The following BDH1 variants were observed in gnomAD, a reference collection of about 807,000 sequenced individuals.
BDH1 encodes D-beta-hydroxybutyrate dehydrogenase, mitochondrial.
BDH1 carries 30 observed loss-of-function variants against 33.1 expected under a neutral mutation model. That is an observed-to-expected ratio of 0.91 (90% CI 0.68 to 1.23). The LOEUF (loss-of-function observed/expected upper bound fraction) is 1.23, where lower values mean the gene tolerates loss of function less well. BDH1 is among the 50% of genes most tolerant of loss of function. The pLI is 0.00. For synonymous variants in BDH1, 190 were observed against 183.6 expected (o/e 1.03, Z -0.28); for missense variants, 443 against 464.4 (o/e 0.95, Z 0.42).
intron 2 of BDH1, among the ~76,000 whole-genome samples, chr3:197,548,222 C>CT (rs1018085225): frequency 6.6e-6 from 1 of 152,194 alleles, no homozygotes; most frequent in Non-Finnish European, 1.5e-5. Context: ...CCCAGACTGG[C>CT]TTTTTATGGT....
Position 197,510,396 on chromosome 3 carries a change from C to A in BDH1, c.*1499G>T, listed in dbSNP as rs1297465291. On this transcript the variant is annotated 3_prime_UTR_variant, in exon 8 of 8. Coordinates refer to ENST00000392379, the MANE Select transcript of BDH1 (RefSeq NM_203314.3). Reference sequence around the variant, plus strand: ...AAGGCGGGCACTGGGGACCCTGCCCCGGGCCGAAAGCCCCCTGGAGGACAG... The same window carrying A: ...AAGGCGGGCACTGGGGACCCTGCCCAGGGCCGAAAGCCCCCTGGAGGACAG... 1 of 152,218 alleles carries A rather than the reference C, an allele frequency of 6.6e-6. No homozygotes were observed. Among genetic ancestry groups the A allele is most frequent in the Non-Finnish European group, 1.5e-5 (1 of 68,076 alleles). 9.4% of individuals were successfully genotyped at this position (152,218 alleles called of 1,614,324 possible). A position where few individuals can be genotyped will look rare whatever the true frequency, so the allele number is the denominator to read the frequency against.
rs866966692 is a variant in BDH1 at position 197,525,164 on chromosome 3, G to A, written c.268-2383C>T. On this transcript the variant is annotated intron_variant, in intron 5 of 7. Coordinates refer to ENST00000392379, the MANE Select transcript of BDH1 (RefSeq NM_203314.3). The surrounding 1 kb of genome is among the most constrained non-coding windows in gnomAD (Gnocchi z 4.9). ...ATCTTCAGGTCTAGGGTGTGATGAC[G>A]TGGTGCCTGCAGACCCCTCTCTTCC... 2.0e-5 allele frequency among the ~76,000 whole-genome samples: 3 copies of A among 152,282 alleles called. No individual in the cohort carries two copies. Among genetic ancestry groups the A allele is most frequent in the Admixed American group, 6.5e-5 (1 of 15,296 alleles).
intron 6 of BDH1, among the ~76,000 whole-genome samples, chr3:197,519,263 C>T (rs1219567782): frequency 6.6e-6 from 1 of 152,090 alleles, no homozygotes; most frequent in Non-Finnish European, 1.5e-5. Context: ...GTGGTCTGAT[C>T]CAGGCATGAG....
chr3:197,537,082 A>G (rs967539534), intron 3 of BDH1, among the ~76,000 whole-genome samples: 8 of 152,078 alleles, frequency 5.3e-5, no homozygotes, highest in Non-Finnish European at 1.5e-5. Flanking sequence ...TCCGCCTGCC[A>G]CACTCAAGCA....
At chr3:197,559,153 C>T (rs1717181090), upstream of BDH1, among the ~76,000 whole-genome samples, 1 of 152,020 alleles carries the variant, frequency 6.6e-6, no homozygotes, top group East Asian at 1.9e-4. Context: ...GTGCCCGCCA[C>T]CACGCCCAGC....
intron 3 of BDH1, among the ~76,000 whole-genome samples, chr3:197,539,583 A>G (rs955785075): frequency 3.3e-5 from 5 of 152,242 alleles, no homozygotes; most frequent in African/African-American, 1.2e-4. Flanking sequence ...CCATGCAGCT[A>G]GAGGCTACAA....
rs1454459927 is a variant in BDH1 at position 197,537,390 on chromosome 3, A to AACTTACTT, written c.84-3837_84-3830dup. On this transcript the variant is annotated intron_variant, in intron 3 of 7. Coordinates refer to ENST00000392379, the MANE Select transcript of BDH1 (RefSeq NM_203314.3). Reference sequence around the variant, plus strand: ...TATCTTGTATCTTGTAACCCTGCTAAACTTACTTATTAGTTCTAGGAGTTT... The same window carrying AACTTACTT: ...TATCTTGTATCTTGTAACCCTGCTAAACTTACTTACTTACTTATTAGTTCTAGGAGTTT... 7.2e-5 allele frequency among the ~76,000 whole-genome samples: 11 copies of AACTTACTT among 152,354 alleles called. No individual in the cohort carries two copies. The South Asian group carries it at 2.3e-3, about 32-fold the overall frequency.
At chr3:197,558,557 G>A (rs1219809612), upstream of BDH1, among the ~76,000 whole-genome samples, 2 of 152,096 alleles carry the variant, frequency 1.3e-5, no homozygotes, top group Non-Finnish European at 2.9e-5. Flanking sequence ...CCAATTCCTT[G>A]GGATTTTGTT....
intron 1 of BDH1, chr3:197,555,572 A>G (rs1716953320): frequency 6.6e-6 from 1 of 152,266 alleles, no homozygotes; most frequent in Non-Finnish European, 1.5e-5. Flanking sequence ...AGAAAAGCCG[A>G]GAGGGAGACT....
chr3:197,572,550 G>C (rs546405544), intron 1 of BDH1, among the ~76,000 whole-genome samples: 102 of 152,110 alleles, frequency 6.7e-4, no homozygotes, highest in Non-Finnish European at 1.3e-3. Flanking sequence ...CTCATTACTG[G>C]GCCGCAAGAA....
chr3:197,552,566 T>C (rs997298474), intron 2 of BDH1, among the ~76,000 whole-genome samples: 2 of 152,178 alleles, frequency 1.3e-5, no homozygotes, highest in Admixed American at 6.5e-5. Flanking sequence ...CTTTGGAACA[T>C]AGCAAGCCAG....
intron 3 of BDH1, chr3:197,543,047 GCTT>G (rs1282219402): frequency 1.1e-4 from 106 of 985,248 alleles, no homozygotes; most frequent in Admixed American, 1.2e-4. Context: ...GTTCATTCTG[GCTT>G]CTTCTCTATC....
Position 197,528,578 on chromosome 3 carries a change from CA to C in BDH1, c.267+3833del, listed in dbSNP as rs1159704330. Reference sequence around the variant, plus strand: ...CTTTCAACCCCCACGGTGCCTTATCCAAAGCCTCTGGTGGTGCTAACTGCTT... The same window carrying C: ...CTTTCAACCCCCACGGTGCCTTATCCAAGCCTCTGGTGGTGCTAACTGCTT... On this transcript the variant is annotated intron_variant, in intron 5 of 7. Coordinates refer to ENST00000392379, the MANE Select transcript of BDH1 (RefSeq NM_203314.3). This position sits in a 1 kb window ranked among gnomAD's most constrained non-coding sequence, Gnocchi z 5.1. 6.6e-6 allele frequency: 1 copy of C among 152,222 alleles called. No individual in the cohort carries two copies. The highest frequency in any genetic ancestry group is 1.5e-5 in the Non-Finnish European group (1 of 68,068). The allele number at this position is 152,222 out of a possible 1,614,324, so 9.4% of individuals were successfully genotyped here.
intron 3 of BDH1, among the ~76,000 whole-genome samples, chr3:197,535,842 C>T (rs1334175237): frequency 3.3e-5 from 5 of 151,910 alleles, no homozygotes; most frequent in Non-Finnish European, 2.9e-5. Flanking sequence ...CTCAGGAGTT[C>T]GAGAACAGCC....
In BDH1 at chr3:197,512,276, A is replaced by C. The variant is rs1448271470; in HGVS notation, c.651T>G (p.Ala217=). 1 of 1,612,898 alleles carries C rather than the reference A, an allele frequency of 6.2e-7. No individual in the cohort carries two copies. The highest frequency in any genetic ancestry group is 2.2e-5 in the East Asian group (1 of 44,896). The change falls in exon 8 of 8, where the codon GCT becomes GCG. Residue 217 remains alanine, a synonymous_variant. Transcript: ENST00000392379. ...TCTCATAGCGCAGGCAGTCCGAGAA[A>C]GCCTCTACCCCGAACTTGGTGATGC... ...PYCITKFGVE[A]FSDCLRYEMY... is the part of the protein sequence containing the mutation.
chr3:197,532,892 T>C (rs915055756), intron 4 of BDH1, among the ~76,000 whole-genome samples: 1 of 152,200 alleles, frequency 6.6e-6, no homozygotes, highest in Non-Finnish European at 1.5e-5. Context: ...CTTCTTTTTT[T>C]TGAGATGGAG....
intron 2 of BDH1, among the ~76,000 whole-genome samples, chr3:197,549,650 T>A (rs1716388200): frequency 6.6e-6 from 1 of 152,200 alleles, no homozygotes; most frequent in Admixed American, 6.5e-5. Flanking sequence ...GAGGGCAAGC[T>A]GGGGTTATGC....
At chr3:197,540,949 C>T (rs918188289) in intron 3 of BDH1, among the ~76,000 whole-genome samples, 1 of 152,176 alleles carries the variant, frequency 6.6e-6, no homozygotes, top group African/African-American at 2.4e-5. Flanking sequence ...TGTGAATACT[C>T]CTGGGCGGGC....
At chr3:197,546,544 G>A in intron 2 of BDH1, 58 bp from the exon 3 acceptor site, 2 of 1,186,648 alleles carry the variant, frequency 1.7e-6, no homozygotes, top group Non-Finnish European at 2.5e-6. Flanking sequence ...TTAATCAGGA[G>A]CAGTCATGTT....
Sources: gnomAD v4.1 joint callset for allele counts (sites outside exome capture counted in the v4.1 genomes callset) on GRCh38, gnomAD v4.1.1 for gene constraint, Gnocchi (gnomAD v3.1) non-coding constraint, MANE v1.5 for transcripts, NCBI Gene and HGNC (gene_info 2026-07-23, HGNC 2026-07-21) for gene names.